Variants in CCT6B observed in about 807,000 individuals in gnomAD.
CCT6B encodes the protein probable T-complex protein 1 subunit zeta-2.
A neutral mutation model predicts 61.5 loss-of-function variants in CCT6B; 49 were observed. The observed-to-expected ratio is 0.80, with a 90% CI of 0.63 to 1.01. The LOEUF (loss-of-function observed/expected upper bound fraction) is 1.01. CCT6B is among the 50% of genes least tolerant of loss of function. The probability of loss-of-function intolerance (pLI) is 0.00; values close to 1 mark genes in which losing one functional copy is unlikely to be tolerated. For synonymous variants in CCT6B, 228 were observed against 214.5 expected (o/e 1.06, Z -0.55); for missense variants, 666 against 634.7 (o/e 1.05, Z -0.53).
chr17:34,952,311 A>G (rs1025098265), intron 4 of CCT6B, among the ~76,000 whole-genome samples: 1 of 152,232 alleles, frequency 6.6e-6, no homozygotes, highest in Non-Finnish European at 1.5e-5. Context: ...TAAGACCTTA[A>G]GAAGTCACAG....
rs762945366 is a variant in CCT6B at position 34,951,927 on chromosome 17, T to C, written c.614+23A>G. ...TTTAAAAAATTCTAGAACCCATATGTTGTCAAAGCTTATGTAATTTACTTT... is the reference window on the plus strand; with the variant it reads ...TTTAAAAAATTCTAGAACCCATATGCTGTCAAAGCTTATGTAATTTACTTT... On this transcript the variant is annotated intron_variant, in intron 5 of 13. Coordinates refer to ENST00000314144, the MANE Select transcript of CCT6B (RefSeq NM_006584.4). 30 of 1,190,238 alleles carry C rather than the reference T, an allele frequency of 2.5e-5. No homozygotes were observed. In the Middle Eastern group the frequency reaches 6.2e-4, roughly 25 times the overall value. 73.7% of individuals were successfully genotyped at this position (1,190,238 alleles called of 1,614,324 possible).
At chr17:34,928,830 C>A in intron 13 of CCT6B, 132 bp downstream of exon 13, 1 of 533,756 alleles carries the variant, frequency 1.9e-6, no homozygotes, top group Non-Finnish European at 3.4e-6. Flanking sequence ...GTTCTAATAA[C>A]TGAATACCAC....
intron 7 of CCT6B, among the ~76,000 whole-genome samples, chr17:34,942,122 C>G (rs983134112): frequency 6.7e-6 from 1 of 148,934 alleles, no homozygotes; most frequent in Non-Finnish European, 1.5e-5. Context: ...ATTTCAGAAT[C>G]AAAATTTAAT....
At chr17:34,959,124 T>G (rs1201202779) in intron 2 of CCT6B, among the ~76,000 whole-genome samples, 1 of 2,470 alleles carries the variant, frequency 4.0e-4, no homozygotes, top group Non-Finnish European at 4.3e-3. Flanking sequence ...AAAAAAAAAC[T>G]TTTTTTTTTT....
chr17:34,958,534 A>G, intron 3 of CCT6B, 26 bp downstream of exon 3: 2 of 1,389,720 alleles, frequency 1.4e-6, no homozygotes, highest in Non-Finnish European at 1.9e-6. Flanking sequence ...ATTCAAAATA[A>G]CATATAAACT....
chr17:34,940,794 A>G (rs2090154988), intron 7 of CCT6B, among the ~76,000 whole-genome samples, 173 bp from the exon 8 acceptor site: 1 of 152,078 alleles, frequency 6.6e-6, no homozygotes, highest in African/African-American at 2.4e-5. Flanking sequence ...AATTTTTAAA[A>G]TATTTATTAA....
intron 3 of CCT6B, among the ~76,000 whole-genome samples, chr17:34,954,951 T>C (rs2090332243): frequency 6.6e-6 from 1 of 152,222 alleles, no homozygotes; most frequent in Non-Finnish European, 1.5e-5. Flanking sequence ...GATAGAACAC[T>C]GTGGTGTCTA....
intron 5 of CCT6B, among the ~76,000 whole-genome samples, chr17:34,947,661 T>C (rs555444048): frequency 6.6e-6 from 1 of 151,988 alleles, no homozygotes; most frequent in African/African-American, 2.4e-5. Flanking sequence ...AGAAAAGGAA[T>C]CCCAAATGGA....
At chr17:34,946,474 T>C (rs74912231) in intron 5 of CCT6B, among the ~76,000 whole-genome samples, 4,003 of 152,256 alleles carry the variant, frequency 0.026, 119 homozygotes, top group Middle Eastern at 0.11. Context: ...AAAGGTAACG[T>C]GGCAGATTTA....
In CCT6B at chr17:34,961,395, G is replaced by C; in HGVS notation, c.-2C>G. On this transcript the variant is annotated 5_prime_UTR_variant, in exon 1 of 14. Coordinates refer to ENST00000314144, the MANE Select transcript of CCT6B (RefSeq NM_006584.4). The stretch of plus-strand genomic sequence containing the variant: ...GTTGACGGCCTTTATCGCAGCCATA[G>C]CCTAACCGTTCAGAGGGAGAAAAAA... The C allele has an allele frequency of 6.9e-6, 11 of 1,597,046 alleles. No homozygotes were observed. Among genetic ancestry groups the C allele is most frequent in the Non-Finnish European group, 9.4e-6 (11 of 1,175,284 alleles).
chr17:34,960,699 T>A (rs1238509652), intron 1 of CCT6B, among the ~76,000 whole-genome samples: 2 of 152,212 alleles, frequency 1.3e-5, no homozygotes, highest in Admixed American at 6.5e-5. Context: ...AGGATGTGTC[T>A]CTCCTCTTAT....
intron 5 of CCT6B, among the ~76,000 whole-genome samples, chr17:34,947,971 G>A (rs368354620): frequency 2.1e-5 from 3 of 143,308 alleles, no homozygotes; most frequent in East Asian, 4.1e-4. Flanking sequence ...GTGACACTCC[G>A]TCTCAAAAAA....
At chr17:34,928,310 T>C (rs536197450) in intron 13 of CCT6B, among the ~76,000 whole-genome samples, 193 bp from the exon 14 acceptor site, 1 of 152,138 alleles carries the variant, frequency 6.6e-6, no homozygotes, top group East Asian at 1.9e-4. Flanking sequence ...TTCACTCTTG[T>C]TGCCCAGGCT....
intron 13 of CCT6B, among the ~76,000 whole-genome samples, 169 bp from the exon 14 acceptor site, chr17:34,928,286 T>C (rs1339524558): frequency 2.6e-5 from 4 of 152,074 alleles, no homozygotes; most frequent in South Asian, 2.1e-4. Context: ...TTTTTTTTTT[T>C]CCCAAGATGG....
intron 9 of CCT6B, 96 bp from the exon 10 acceptor site, chr17:34,939,426 TATC>T (rs1013377783): frequency 5.1e-5 from 56 of 1,093,104 alleles, no homozygotes; most frequent in Admixed American, 3.3e-4. Flanking sequence ...GAATTTTTCT[TATC>T]AAGCATAACT....
intron 5 of CCT6B, among the ~76,000 whole-genome samples, chr17:34,947,869 C>G (rs1273297844): frequency 6.6e-6 from 1 of 151,404 alleles, no homozygotes; most frequent in South Asian, 2.1e-4. Flanking sequence ...GTAGTCCCAG[C>G]TACTCGGAAG....
intron 5 of CCT6B, among the ~76,000 whole-genome samples, chr17:34,950,697 G>A (rs913598173): frequency 1.3e-5 from 2 of 152,172 alleles, no homozygotes; most frequent in Non-Finnish European, 2.9e-5. Context: ...TTGGAAGGCC[G>A]AGGCGGGTGG....
At chr17:34,935,570 C>T (rs902331065) in intron 10 of CCT6B, among the ~76,000 whole-genome samples, 4 of 152,062 alleles carry the variant, frequency 2.6e-5, no homozygotes, top group Admixed American at 6.6e-5. Context: ...GAAAACTAAA[C>T]GAGGGCTGGG....
chr17:34,931,361 A>G (rs1286699218), intron 11 of CCT6B, among the ~76,000 whole-genome samples: 3 of 152,088 alleles, frequency 2.0e-5, no homozygotes, highest in African/African-American at 7.2e-5. Flanking sequence ...TTTTGTTTTT[A>G]GTATGGAAGG....
Sources: gnomAD v4.1 joint callset for allele counts (sites outside exome capture counted in the v4.1 genomes callset) on GRCh38, gnomAD v4.1.1 for gene constraint, MANE v1.5 for transcripts, NCBI Gene and HGNC (gene_info 2026-07-23, HGNC 2026-07-21) for gene names.